Variants in MYO6 observed in about 807,000 individuals in gnomAD.
MYO6 encodes myosin VI, also known as unconventional myosin-VI.
Under a neutral mutation model 178.7 loss-of-function variants are expected in MYO6, and 74 were observed. The observed-to-expected ratio is 0.41, with a 90% CI of 0.34 to 0.50. MYO6 has a LOEUF of 0.50. Ranked by LOEUF, MYO6 falls within the 20% of genes least tolerant of loss-of-function variation. MYO6 has a pLI of 0.09. For missense variants in MYO6, 1,330 were observed against 1,547.4 expected (o/e 0.86, Z 2.36); for synonymous variants, 477 against 504.6 (o/e 0.95, Z 0.73).
At chr6:75,833,675 C>T (rs1378526373) in intron 6 of MYO6, among the ~76,000 whole-genome samples, 1 of 151,926 alleles carries the variant, frequency 6.6e-6, no homozygotes, top group Non-Finnish European at 1.5e-5. Context: ...TTTTGGATCC[C>T]ATCCTTCCTT....
At chr6:75,881,659 A>G in intron 22 of MYO6, 30 bp from the exon 23 acceptor site, 1 of 1,601,680 alleles carries the variant, frequency 6.2e-7, no homozygotes, top group African/African-American at 1.3e-5. Flanking sequence ...TTATATTTTA[A>G]TACTGATACT....
chr6:75,799,014 T>C (rs1249023849), intron 1 of MYO6, among the ~76,000 whole-genome samples: 2 of 152,168 alleles, frequency 1.3e-5, no homozygotes, highest in Non-Finnish European at 2.9e-5. Context: ...AACAGCCACA[T>C]AGACAAAACG....
chr6:75,828,479 T>A, intron 3 of MYO6, 61 bp from the exon 4 acceptor site: 1 of 981,192 alleles, frequency 1.0e-6, no homozygotes, highest in Non-Finnish European at 1.6e-6. Flanking sequence ...ATTAAGATAG[T>A]ATTGCTTTAT....
chr6:75,844,019 G>T (rs2150262055), intron 9 of MYO6, among the ~76,000 whole-genome samples: 1 of 152,226 alleles, frequency 6.6e-6, no homozygotes, highest in South Asian at 2.1e-4. Context: ...TGTCCATCCT[G>T]TTCTCTGTGT....
At chr6:75,873,479 C>T (rs1315309425) in intron 20 of MYO6, among the ~76,000 whole-genome samples, 179 bp downstream of exon 20, 2 of 152,094 alleles carry the variant, frequency 1.3e-5, no homozygotes, top group Admixed American at 1.3e-4. Context: ...TGGTGTACAC[C>T]TGTAGTCCCA....
chr6:75,885,933 T>A, intron 23 of MYO6, 71 bp from the exon 24 acceptor site: 1 of 901,592 alleles, frequency 1.1e-6, no homozygotes, highest in Non-Finnish European at 1.8e-6. Flanking sequence ...TTTGTGAAAA[T>A]GAGTTTTTTT....
intron 1 of MYO6, among the ~76,000 whole-genome samples, chr6:75,809,041 A>G (rs1250143446): frequency 6.6e-6 from 1 of 152,218 alleles, no homozygotes; most frequent in Non-Finnish European, 1.5e-5. Context: ...AGAAGCAATG[A>G]GATATGCGTT....
intron 11 of MYO6, among the ~76,000 whole-genome samples, chr6:75,854,568 C>T: frequency 6.6e-6 from 1 of 151,950 alleles, no homozygotes; most frequent in South Asian, 2.1e-4. Context: ...AAATCTGAAA[C>T]ACTTTTGGTC....
intron 16 of MYO6, among the ~76,000 whole-genome samples, chr6:75,864,983 G>A (rs1440851514): frequency 3.3e-5 from 5 of 152,180 alleles, no homozygotes; most frequent in East Asian, 1.9e-4. Flanking sequence ...CACTTTGGCT[G>A]CAGAGCCGGC....
At chr6:75,823,073 T>C (rs1401543255) in intron 3 of MYO6, among the ~76,000 whole-genome samples, 5 of 152,184 alleles carry the variant, frequency 3.3e-5, no homozygotes, top group Admixed American at 1.3e-4. Context: ...GTTATTTGAG[T>C]TGCATAAATG....
At chr6:75,889,734 G>T (rs1308258711) in intron 25 of MYO6, among the ~76,000 whole-genome samples, 1 of 152,070 alleles carries the variant, frequency 6.6e-6, no homozygotes, top group Non-Finnish European at 1.5e-5. Flanking sequence ...TTTAACTGCA[G>T]TATATTACCT....
chr6:75,812,435 T>G lies in MYO6; in HGVS notation c.-47-5066T>G, dbSNP rs545423093. 2.2e-4 allele frequency among the ~76,000 whole-genome samples: 33 copies of G among 152,304 alleles called. No individual in the cohort carries two copies. The South Asian group carries it at 4.8e-3, about 22-fold the overall frequency. ...ATGAAGTACCCAGCAACTCAAGGAT[T>G]TATTCTTTCTTTGTACCACAACGAT... is the stretch of plus-strand genomic sequence containing the variant. On this transcript the variant is annotated intron_variant, in intron 1 of 34. Transcript: ENST00000369977.
At chr6:75,872,789 T>G (rs1450197635) in intron 19 of MYO6, among the ~76,000 whole-genome samples, 1 of 151,978 alleles carries the variant, frequency 6.6e-6, no homozygotes, top group Non-Finnish European at 1.5e-5. Flanking sequence ...TTTTGAGTTT[T>G]TTTTTTTTTT....
At chr6:75,849,097 T>C (rs1775012726) in intron 11 of MYO6, among the ~76,000 whole-genome samples, 1 of 152,228 alleles carries the variant, frequency 6.6e-6, no homozygotes, top group Admixed American at 6.5e-5. Context: ...ATTCTAAATT[T>C]GATCTACGAA....
intron 1 of MYO6, among the ~76,000 whole-genome samples, chr6:75,792,932 C>T (rs549989766): frequency 6.6e-6 from 1 of 151,830 alleles, no homozygotes; most frequent in Non-Finnish European, 1.5e-5. Flanking sequence ...TACAGGTATA[C>T]ACCACCATAC....
chr6:75,790,707 T>C lies in MYO6; in HGVS notation c.-47-26794T>C, dbSNP rs148922074. ...AAATAGTATCTCATTTTTCGGACCA[T>C]GTCAAAAGAATGATAACATCTCATT... On this transcript the variant is annotated intron_variant, in intron 1 of 34. Transcript: ENST00000369977. Among the ~76,000 whole-genome samples, 455 of 152,264 alleles carry C rather than the reference T, an allele frequency of 3.0e-3. 1 individual carries two copies. The highest frequency in any genetic ancestry group is 0.01 in the African/African-American group (426 of 41,558).
chr6:75,789,290 C>A (rs1239636638), intron 1 of MYO6, among the ~76,000 whole-genome samples: 5 of 152,122 alleles, frequency 3.3e-5, no homozygotes, highest in Admixed American at 6.6e-5. Context: ...ATGCTAAATA[C>A]ATCTCAATTT....
rs1779481063 is a variant in MYO6 at position 75,898,482 on chromosome 6, T to C, written c.3176+71T>C. 3 of 1,309,146 alleles carry C rather than the reference T, an allele frequency of 2.3e-6. No homozygotes were observed. In the East Asian group the frequency reaches 7.0e-5, roughly 30 times the overall value. The allele number at this position is 1,309,146 out of a possible 1,614,324, so 81.1% of individuals were successfully genotyped here. ...ATATTTTTAAATTACTTTTGATTAT[T>C]TGGACCAGAACCTGTTACATGAGTA... On this transcript the variant is annotated intron_variant, in intron 30 of 34. Transcript: ENST00000369977.
chr6:75,869,103 T>C (rs995085910), intron 18 of MYO6, among the ~76,000 whole-genome samples: 10 of 125,336 alleles, frequency 8.0e-5, no homozygotes, highest in Middle Eastern at 4.5e-3. Context: ...TTTTGGAGAA[T>C]ACTGTGCTTA....
Sources: allele counts gnomAD v4.1 joint callset (sites outside exome capture counted in the v4.1 genomes callset), GRCh38; gene constraint gnomAD v4.1.1; transcripts MANE v1.5; gene names NCBI Gene and HGNC (gene_info 2026-07-23, HGNC 2026-07-21).